Variants in KIF24 observed in about 807,000 individuals in gnomAD.
The protein encoded by KIF24 is kinesin-like protein KIF24.
In KIF24, 81 loss-of-function variants were observed where a neutral mutation model predicts 118.9. The observed-to-expected ratio is 0.68, with a 90% CI of 0.57 to 0.82. The LOEUF (loss-of-function observed/expected upper bound fraction) is 0.82. KIF24 is among the 40% of genes least tolerant of loss of function. The pLI, the probability that KIF24 is intolerant of heterozygous loss-of-function variation, is 0.00. For missense variants in KIF24, 1,560 were observed against 1,661.6 expected (o/e 0.94, Z 1.06); for synonymous variants, 599 against 610.0 (o/e 0.98, Z 0.27).
chr9:34,329,704 C>G (rs2039344), upstream of KIF24: 72,101 of 152,298 alleles, frequency 0.47, 20,024 homozygotes, highest in South Asian at 0.64. Flanking sequence ...CTGCAGGGCC[C>G]GAGAGGGATG....
At chr9:34,311,775 TACACATATATATACAC>T (rs1436775808) in intron 1 of KIF24, among the ~76,000 whole-genome samples, 13 of 149,350 alleles carry the variant, frequency 8.7e-5, no homozygotes, top group Non-Finnish European at 7.4e-5. Flanking sequence ...TACATATATA[TACACATATATATACAC>T]ACACATATAT....
At chr9:34,285,693 T>C (rs1033909172) in intron 6 of KIF24, among the ~76,000 whole-genome samples, 6 of 149,024 alleles carry the variant, frequency 4.0e-5, no homozygotes, top group African/African-American at 1.2e-4. Flanking sequence ...GAGAATGGCA[T>C]GAACCCGGGA....
At chr9:34,273,064 C>T (rs1331757840) in intron 6 of KIF24, among the ~76,000 whole-genome samples, 1 of 151,896 alleles carries the variant, frequency 6.6e-6, no homozygotes, top group African/African-American at 2.4e-5. Context: ...GCTGTGATTA[C>T]AGAGCAAGAC....
At chr9:34,275,170 G>T (rs956461635) in intron 6 of KIF24, among the ~76,000 whole-genome samples, 4 of 152,138 alleles carry the variant, frequency 2.6e-5, no homozygotes, top group Non-Finnish European at 5.9e-5. Context: ...AAGGCAGGTG[G>T]ATCACTTTAG....
At chr9:34,272,838 G>A (rs1835555926) in intron 6 of KIF24, among the ~76,000 whole-genome samples, 1 of 152,086 alleles carries the variant, frequency 6.6e-6, no homozygotes, top group South Asian at 2.1e-4. Context: ...TGCCCAGGCT[G>A]GTCTTGAACT....
chr9:34,286,869 A>C (rs1836071476), intron 5 of KIF24, among the ~76,000 whole-genome samples, 165 bp from the exon 6 acceptor site: 1 of 152,142 alleles, frequency 6.6e-6, no homozygotes, highest in South Asian at 2.1e-4. Context: ...CCTCAGCCCG[A>C]TTCAGGGGTG....
intron 3 of KIF24, among the ~76,000 whole-genome samples, chr9:34,305,041 T>C (rs966024415): frequency 6.6e-6 from 1 of 152,206 alleles, no homozygotes; most frequent in African/African-American, 2.4e-5. Context: ...ATGGATTATC[T>C]GGTTTTAGAT....
At chr9:34,324,169 C>T (rs929260363) in intron 1 of KIF24, among the ~76,000 whole-genome samples, 2 of 152,138 alleles carry the variant, frequency 1.3e-5, no homozygotes, top group African/African-American at 4.8e-5. Flanking sequence ...TAGTTCACCT[C>T]GTAGTAACAC....
intron 3 of KIF24, among the ~76,000 whole-genome samples, chr9:34,298,877 G>A (rs955492505): frequency 6.6e-6 from 1 of 152,016 alleles, no homozygotes; most frequent in African/African-American, 2.4e-5. Context: ...GAGCTGGGGA[G>A]AGAAAGGGGT....
At chr9:34,309,468 G>A (rs886606782) in intron 2 of KIF24, among the ~76,000 whole-genome samples, 1 of 150,222 alleles carries the variant, frequency 6.7e-6, no homozygotes, top group Non-Finnish European at 1.5e-5. Flanking sequence ...ATGAACCCGG[G>A]AGGCGGAGCT....
At chr9:34,311,926 C>G (rs1837184086) in intron 1 of KIF24, among the ~76,000 whole-genome samples, 1 of 152,010 alleles carries the variant, frequency 6.6e-6, no homozygotes, top group Admixed American at 6.6e-5. Context: ...TTGTTCCCAA[C>G]AACTGATTGT....
chr9:34,312,857 C>T (rs558386765), intron 1 of KIF24, among the ~76,000 whole-genome samples: 1 of 152,164 alleles, frequency 6.6e-6, no homozygotes, highest in African/African-American at 2.4e-5. Context: ...TGCCACCACA[C>T]CCGGCTAATT....
chr9:34,269,611 G>A (rs1361168321), intron 7 of KIF24, among the ~76,000 whole-genome samples: 2 of 151,952 alleles, frequency 1.3e-5, no homozygotes, highest in African/African-American at 4.8e-5. Flanking sequence ...AGTAGAGTCA[G>A]GATTTCACCG....
chr9:34,320,333 A>C (rs1197409497), intron 1 of KIF24, among the ~76,000 whole-genome samples: 1 of 69,880 alleles, frequency 1.4e-5, no homozygotes, highest in Non-Finnish European at 4.1e-5. Context: ...ATGTTCCAAC[A>C]AAAAAAAAAA....
intron 6 of KIF24, among the ~76,000 whole-genome samples, chr9:34,279,406 T>C (rs761054605): frequency 6.6e-6 from 1 of 152,212 alleles, no homozygotes; most frequent in Non-Finnish European, 1.5e-5. Context: ...TCTGACTATA[T>C]AAAATGGGTA....
At chr9:34,311,635 CAT>C (rs1166787888) in intron 1 of KIF24, among the ~76,000 whole-genome samples, 2 of 148,412 alleles carry the variant, frequency 1.3e-5, no homozygotes, top group African/African-American at 2.5e-5. Context: ...TTCCATTTTA[CAT>C]ATGTGTATAT....
intron 8 of KIF24, 32 bp downstream of exon 8, chr9:34,269,225 G>A: frequency 7.5e-7 from 1 of 1,327,170 alleles, no homozygotes; most frequent in South Asian, 1.2e-5. Flanking sequence ...TTTCAAGAAG[G>A]ATTTTTAGAT....
chr9:34,254,891 C>A (rs1158950989), intron 12 of KIF24, among the ~76,000 whole-genome samples, 181 bp downstream of exon 12: 1 of 152,150 alleles, frequency 6.6e-6, no homozygotes, highest in East Asian at 1.9e-4. Flanking sequence ...CCATCTCCCA[C>A]CTGTACCTAT....
intron 5 of KIF24, 102 bp downstream of exon 5, chr9:34,290,072 G>A (rs1836193273): frequency 2.6e-6 from 2 of 756,646 alleles, no homozygotes; most frequent in Admixed American, 2.4e-5. Context: ...GGGCACTAAT[G>A]TACCAAAGCA....
Sources: allele counts gnomAD v4.1 joint callset (sites outside exome capture counted in the v4.1 genomes callset), GRCh38; gene constraint gnomAD v4.1.1; transcripts MANE v1.5; gene names NCBI Gene and HGNC (gene_info 2026-07-23, HGNC 2026-07-21).